Variants in MTMR7 observed in about 807,000 individuals in gnomAD.
MTMR7 encodes phosphatidylinositol-3-phosphate phosphatase MTMR7.
MTMR7 carries 76 observed loss-of-function variants against 81.2 expected under a neutral mutation model. The ratio of observed to expected loss-of-function variants is 0.94; its 90% CI spans 0.78 to 1.13. The LOEUF (loss-of-function observed/expected upper bound fraction) is 1.13. Among genes scored for constraint, MTMR7 ranks in the 50% most tolerant of loss-of-function variants. The pLI, the probability that MTMR7 is intolerant of heterozygous loss-of-function variation, is 0.00. For synonymous variants in MTMR7, 372 were observed against 289.8 expected (o/e 1.28, Z -2.88); for missense variants, 1,044 against 820.0 (o/e 1.27, Z -3.34).
chr8:17,314,780 G>C (rs1817975243), intron 7 of MTMR7, among the ~76,000 whole-genome samples: 1 of 152,210 alleles, frequency 6.6e-6, no homozygotes, highest in South Asian at 2.1e-4. Flanking sequence ...CCCTGAGCTA[G>C]AAGCACAGCT....
chr8:17,300,261 A>G, intron 13 of MTMR7, 37 bp from the exon 14 acceptor site: 3 of 1,569,566 alleles, frequency 1.9e-6, no homozygotes, highest in Non-Finnish European at 2.6e-6. Flanking sequence ...GAAAAATCAT[A>G]AATAACTTAT....
chr8:17,308,302 G>C (rs986438754), intron 10 of MTMR7, among the ~76,000 whole-genome samples: 3 of 152,012 alleles, frequency 2.0e-5, no homozygotes, highest in African/African-American at 7.2e-5. Context: ...ACTGCCTAGC[G>C]TGTAATATTA....
chr8:17,313,261 C>A, intron 8 of MTMR7, 31 bp downstream of exon 8: 1 of 1,522,060 alleles, frequency 6.6e-7, no homozygotes. Context: ...GCTCATCTGT[C>A]CCTTAATTTA....
In MTMR7 at chr8:17,297,347, C is replaced by T. The variant is rs1013011679; in HGVS notation, c.*2515G>A. 1 of 147,706 alleles carries T rather than the reference C, an allele frequency of 6.8e-6. No individual in the cohort carries two copies. Among genetic ancestry groups the T allele is most frequent in the Non-Finnish European group, 1.5e-5 (1 of 65,100 alleles). 9.1% of individuals were successfully genotyped at this position (147,706 alleles called of 1,614,324 possible). On this transcript the variant is annotated 3_prime_UTR_variant, in exon 14 of 14. Transcript: ENST00000180173. Reference sequence around the variant, plus strand: ...AGAAATTTCTAGGCATAAATTGAGACTAGGAAATTTATATCAGAATAGAGG... The same window carrying T: ...AGAAATTTCTAGGCATAAATTGAGATTAGGAAATTTATATCAGAATAGAGG...
chr8:17,400,739 C>T (rs1821402072), intron 1 of MTMR7, among the ~76,000 whole-genome samples: 1 of 151,248 alleles, frequency 6.6e-6, no homozygotes, highest in Non-Finnish European at 1.5e-5. Flanking sequence ...ATCAAATACG[C>T]TCTTACTCAA....
At chr8:17,333,527 C>G (rs528643821) in intron 6 of MTMR7, among the ~76,000 whole-genome samples, 15 of 152,242 alleles carry the variant, frequency 9.9e-5, no homozygotes, top group Admixed American at 7.2e-4. Context: ...TCACCACATA[C>G]CACAGAGATA....
chr8:17,311,601 G>C lies in MTMR7; in HGVS notation c.1011C>G (p.His337Gln). ...VSEEGASVLV[H>Q]CSDGWDRTAQ... The stretch of plus-strand genomic sequence containing the variant: ...CGGTCCTGTCCCAGCCATCAGAACA[G>C]TGAACAAGCACACTTGCCCCTTCCT... The change falls in exon 9 of 14, where the codon CAC becomes CAG. Residue 337 changes from histidine to glutamine, a missense_variant. Coordinates refer to ENST00000180173, the MANE Select transcript of MTMR7 (RefSeq NM_004686.5). The C allele has an allele frequency of 6.2e-7, 1 of 1,614,104 alleles. No individual in the cohort carries two copies.
intron 10 of MTMR7, 90 bp downstream of exon 10, chr8:17,309,187 C>G: frequency 2.2e-6 from 2 of 890,854 alleles, no homozygotes; most frequent in South Asian, 3.0e-5. Flanking sequence ...ACTCAAAAAA[C>G]AAGACGATTT....
intron 7 of MTMR7, among the ~76,000 whole-genome samples, chr8:17,313,897 T>TA (rs1817922964): frequency 6.6e-6 from 1 of 152,170 alleles, no homozygotes; most frequent in African/African-American, 2.4e-5. Flanking sequence ...ATGAAAATGA[T>TA]CAAACTCCTC....
intron 7 of MTMR7, among the ~76,000 whole-genome samples, chr8:17,320,021 C>T (rs1456526394): frequency 6.6e-6 from 1 of 152,092 alleles, no homozygotes. Flanking sequence ...AGGCATGCTA[C>T]ACACAAAAAA....
Position 17,373,141 on chromosome 8 carries a change from G to A in MTMR7, c.124C>T (p.Pro42Ser), listed in dbSNP as rs1217126609. ...ACCCATGTTTCTTTTCTTGGGTCAG[G>A]TGAATTTTCCACGAATATGACATGG... ...ATHVIFVENS[P>S]DPRKETWILH... is the part of the protein sequence containing the mutation. The change falls in exon 2 of 14, where the codon CCT becomes TCT. Residue 42 changes from proline to serine, a missense_variant. Pro to Ser is a moderately conservative substitution (Grantham distance 74). Coordinates refer to ENST00000180173, the MANE Select transcript of MTMR7 (RefSeq NM_004686.5). 20 of 1,613,598 alleles carry A rather than the reference G, an allele frequency of 1.2e-5. No homozygotes were observed. Among genetic ancestry groups the A allele is most frequent in the Non-Finnish European group, 1.7e-5 (20 of 1,179,796 alleles).
chr8:17,307,473 T>C (rs927311487), intron 10 of MTMR7, among the ~76,000 whole-genome samples: 14 of 152,112 alleles, frequency 9.2e-5, no homozygotes, highest in Non-Finnish European at 1.5e-4. Flanking sequence ...TGGAAGTCAG[T>C]GTGGCGATTC....
intron 7 of MTMR7, among the ~76,000 whole-genome samples, chr8:17,330,677 G>T (rs1818954945): frequency 6.6e-6 from 1 of 152,178 alleles, no homozygotes; most frequent in Admixed American, 6.5e-5. Context: ...GTGGCGGGAG[G>T]TTACATGCAT....
At chr8:17,331,355 C>A in intron 6 of MTMR7, 73 bp from the exon 7 acceptor site, 1 of 1,433,690 alleles carries the variant, frequency 7.0e-7, no homozygotes, top group South Asian at 1.4e-5. Context: ...CAAAACATTT[C>A]ATGGATACCC....
intron 7 of MTMR7, among the ~76,000 whole-genome samples, chr8:17,330,022 T>G (rs976599447): frequency 6.6e-6 from 1 of 152,206 alleles, no homozygotes; most frequent in African/African-American, 2.4e-5. Flanking sequence ...GGCCTAATCC[T>G]GTCATTCTGC....
intron 6 of MTMR7, among the ~76,000 whole-genome samples, chr8:17,336,399 G>A (rs573851956): frequency 6.6e-6 from 1 of 152,172 alleles, no homozygotes; most frequent in South Asian, 2.1e-4. Context: ...CACGGCCACT[G>A]GACACTGCCC....
chr8:17,312,668 C>T (rs1170398691), intron 8 of MTMR7, among the ~76,000 whole-genome samples: 1 of 151,580 alleles, frequency 6.6e-6, no homozygotes, highest in Non-Finnish European at 1.5e-5. Flanking sequence ...TTATTCACAT[C>T]ACATCTGTAA....
chr8:17,364,707 GCTCT>G (rs1397273523), intron 3 of MTMR7, among the ~76,000 whole-genome samples: 8 of 152,126 alleles, frequency 5.3e-5, no homozygotes, highest in African/African-American at 4.8e-5. Flanking sequence ...TCAGCATAAT[GCTCT>G]CTAATTCCAT....
chr8:17,344,643 T>A (rs1819500914), intron 5 of MTMR7, among the ~76,000 whole-genome samples: 1 of 152,100 alleles, frequency 6.6e-6, no homozygotes, highest in South Asian at 2.1e-4. Flanking sequence ...AGACCTGGCT[T>A]CCAGTACCAG....
Sources: allele counts gnomAD v4.1 joint callset (sites outside exome capture counted in the v4.1 genomes callset), GRCh38; gene constraint gnomAD v4.1.1; transcripts MANE v1.5; gene names NCBI Gene and HGNC (gene_info 2026-07-23, HGNC 2026-07-21).